FAM98B: variants seen among roughly 807,000 people sequenced by gnomAD.
FAM98B encodes the protein tRNA-splicing ligase complex subunit FAM98B.
In FAM98B, 32 loss-of-function variants were observed where a neutral mutation model predicts 43.9. The ratio of observed to expected loss-of-function variants is 0.73; its 90% CI spans 0.55 to 0.98. The LOEUF (loss-of-function observed/expected upper bound fraction) is 0.98. FAM98B is among the 50% of genes least tolerant of loss of function. The pLI is 0.00. For missense variants in FAM98B, 514 were observed against 522.9 expected, an observed-to-expected ratio of 0.98 and a Z score of 0.17; for synonymous variants, 190 against 174.0, an observed-to-expected ratio of 1.09 and a Z score of -0.72.
In FAM98B at chr15:38,484,599, T is replaced by TGGA. The variant is rs1162094713; in HGVS notation, c.1248_1250dup (p.Gly429dup). On this transcript the variant is annotated inframe_insertion, in exon 8 of 8. Coordinates refer to ENST00000397609, the MANE Select transcript of FAM98B (RefSeq NM_173611.4). ...GTGGAAGAGGCTATGGAGATCCATA[T>TGGA]GGAGGAGGTGGTGGTGGTGGTGGTG... 9.8e-6 allele frequency: 12 copies of TGGA among 1,227,924 alleles called. No individual in the cohort carries two copies. The highest frequency in any genetic ancestry group is 5.5e-5 in the East Asian group (1 of 18,212). The allele number at this position is 1,227,924 out of a possible 1,614,324, so 76.1% of individuals were successfully genotyped here. A position where few individuals can be genotyped will look rare whatever the true frequency, so the allele number is the denominator to read the frequency against.
rs1427909287 is a variant in FAM98B, at chr15:38,465,289, T to A, written c.238T>A (p.Phe80Ile). Residue 80 changes from phenylalanine (F) to isoleucine (I), a missense_variant, in exon 3 of 8, where the codon TTC becomes ATC. By Grantham distance (21) the Phe-to-Ile change is conservative. This residue lies in a region of FAM98B where 469 missense variants were observed against 451.8 expected (regional missense o/e 1.04). Transcript: ENST00000397609. ...TAAAGGAAGAGATGATCTAGAGAGC[T>A]TCCAGCTTGAGATAAGTGGCTTTTT... is the stretch of plus-strand genomic sequence containing the variant. ...TSAGRDDLES[F>I]QLEISGFLKE... 1.2e-6 allele frequency: 2 copies of A among 1,610,646 alleles called. No homozygotes were observed. Among genetic ancestry groups the A allele is most frequent in the South Asian group, 2.2e-5 (2 of 90,210 alleles).
intron 3 of FAM98B, among the ~76,000 whole-genome samples, chr15:38,468,167 T>G (rs1055846935): frequency 5.9e-5 from 9 of 152,216 alleles, no homozygotes; most frequent in African/African-American, 1.9e-4. Flanking sequence ...AGAGCAAAAG[T>G]AGACTTCAGC....
intron 1 of FAM98B, among the ~76,000 whole-genome samples, chr15:38,456,200 A>G (rs750454812): frequency 1.1e-4 from 16 of 152,232 alleles, no homozygotes; most frequent in Non-Finnish European, 1.9e-4. Context: ...CAGTTTTCTC[A>G]TCTGTGAAAA....
chr15:38,465,360 T>G lies in FAM98B; in HGVS notation c.309T>G (p.Ile103Met). Residue 103 changes from isoleucine (I) to methionine (M), a missense_variant, in exon 3 of 8, where the codon ATT becomes ATG. By Grantham distance (10) the Ile-to-Met change is conservative. Around this residue, in one of 2 missense-constraint regions of FAM98B, gnomAD observed 469 missense variants for 451.8 expected, o/e 1.04. Coordinates refer to ENST00000397609, the MANE Select transcript of FAM98B (RefSeq NM_173611.4). Reference sequence around the variant, plus strand: ...ATTCTGTACTCATATCAGGAGATATTAAAGATCGTTTAAAAAAGAAGGAGG... The same window carrying G: ...ATTCTGTACTCATATCAGGAGATATGAAAGATCGTTTAAAAAAGAAGGAGG... ...CPYSVLISGD[I>M]KDRLKKKEDC... 1 of 1,606,136 alleles carries G rather than the reference T, an allele frequency of 6.2e-7. No homozygotes were observed. The highest frequency in any genetic ancestry group is 8.5e-7 in the Non-Finnish European group (1 of 1,177,206).
intron 1 of FAM98B, among the ~76,000 whole-genome samples, chr15:38,455,851 A>T (rs1889840453): frequency 6.6e-6 from 1 of 152,240 alleles, no homozygotes; most frequent in African/African-American, 2.4e-5. Flanking sequence ...AAAATTAGTC[A>T]GATTATTCAA....
chr15:38,464,118 T>C lies in FAM98B; in HGVS notation c.158T>C (p.Ile53Thr). The change falls in exon 2 of 8, where the codon ATT becomes ACT. Residue 53 changes from isoleucine to threonine, a missense_variant. Ile to Thr is a moderately conservative substitution (Grantham distance 89, BLOSUM62 -1). Coordinates refer to ENST00000397609, the MANE Select transcript of FAM98B (RefSeq NM_173611.4). ...LSSPEFSELC[I>T]WLGSQIKSLC... Reference sequence around the variant, plus strand: ...TCACCTGAATTTTCAGAGCTCTGTATTTGGTTAGGCTCTCAAATAAAATCA... The same window carrying C: ...TCACCTGAATTTTCAGAGCTCTGTACTTGGTTAGGCTCTCAAATAAAATCA... 4 of 1,613,660 alleles carry C rather than the reference T, an allele frequency of 2.5e-6. No individual in the cohort carries two copies. Among genetic ancestry groups the C allele is most frequent in the Non-Finnish European group, 3.4e-6 (4 of 1,179,802 alleles).
chr15:38,481,003 G>A (rs997600403), intron 6 of FAM98B, among the ~76,000 whole-genome samples: 2 of 151,860 alleles, frequency 1.3e-5, no homozygotes, highest in Non-Finnish European at 2.9e-5. Flanking sequence ...CCTGTATGTG[G>A]TTTTGGTAAA....
At chr15:38,454,881 T>C (rs1276249787) in intron 1 of FAM98B, among the ~76,000 whole-genome samples, 8 of 152,218 alleles carry the variant, frequency 5.3e-5, no homozygotes, top group Non-Finnish European at 8.8e-5. Flanking sequence ...TGCTGCCGGC[T>C]GGTATTTACA....
chr15:38,466,561 A>G (rs1890035506), intron 3 of FAM98B, among the ~76,000 whole-genome samples: 1 of 152,186 alleles, frequency 6.6e-6, no homozygotes, highest in African/African-American at 2.4e-5. Flanking sequence ...GGAATAAAAA[A>G]GAAATTTAAC....
chr15:38,455,047 C>G (rs921460066), intron 1 of FAM98B, among the ~76,000 whole-genome samples: 2 of 152,184 alleles, frequency 1.3e-5, no homozygotes, highest in Non-Finnish European at 2.9e-5. Flanking sequence ...CCTGCCCATT[C>G]ATTTGTCTCT....
At chr15:38,461,724 T>C (rs1427112216) in intron 1 of FAM98B, among the ~76,000 whole-genome samples, 2 of 152,064 alleles carry the variant, frequency 1.3e-5, no homozygotes, top group Non-Finnish European at 2.9e-5. Flanking sequence ...TTTAAACATA[T>C]GCAAAGATAC....
intron 4 of FAM98B, among the ~76,000 whole-genome samples, chr15:38,472,935 G>A (rs1332135375): frequency 6.6e-6 from 1 of 152,116 alleles, no homozygotes; most frequent in African/African-American, 2.4e-5. Flanking sequence ...AAAAGTAAAT[G>A]CCTAATATCT....
chr15:38,461,067 A>AT (rs199887235), intron 1 of FAM98B, among the ~76,000 whole-genome samples: 1,776 of 151,120 alleles, frequency 0.012, 19 homozygotes, highest in Non-Finnish European at 0.019. Flanking sequence ...TAAAGATTGG[A>AT]TTTTTTTTTC....
intron 7 of FAM98B, chr15:38,483,007 A>T (rs1890305030): frequency 6.6e-6 from 1 of 152,216 alleles, no homozygotes; most frequent in South Asian, 2.1e-4. Context: ...TTCATTGAGA[A>T]TCCTTCTCTC....
intron 1 of FAM98B, chr15:38,459,037 C>G (rs989816922): frequency 3.8e-5 from 13 of 341,366 alleles, no homozygotes; most frequent in Non-Finnish European, 5.9e-5. Flanking sequence ...GCCAGCAGAT[C>G]CGTCACAGGG....
chr15:38,455,252 T>C (rs1308379479), intron 1 of FAM98B, among the ~76,000 whole-genome samples: 1 of 152,190 alleles, frequency 6.6e-6, no homozygotes, highest in African/African-American at 2.4e-5. Flanking sequence ...GCAGTAAGCA[T>C]AGGACCAGAT....
At chr15:38,477,674 T>C (rs906312672) in intron 6 of FAM98B, among the ~76,000 whole-genome samples, 2 of 152,232 alleles carry the variant, frequency 1.3e-5, no homozygotes, top group African/African-American at 4.8e-5. Flanking sequence ...TGGTTCAGGA[T>C]GAATATCTCA....
At chr15:38,479,366 A>G (rs1890252250) in intron 6 of FAM98B, among the ~76,000 whole-genome samples, 2 of 152,136 alleles carry the variant, frequency 1.3e-5, no homozygotes, top group South Asian at 4.1e-4. Flanking sequence ...CATCATCCCA[A>G]AATGACATAG....
intron 6 of FAM98B, among the ~76,000 whole-genome samples, chr15:38,476,089 T>C (rs1890195483): frequency 6.6e-6 from 1 of 152,202 alleles, no homozygotes; most frequent in Non-Finnish European, 1.5e-5. Context: ...AAGGAGTGCA[T>C]AGGAGGTGAT....
Sources: gnomAD v4.1 joint callset for allele counts (sites outside exome capture counted in the v4.1 genomes callset) on GRCh38, gnomAD v4.1.1 for gene constraint, gnomAD v4.1.1 regional missense constraint, MANE v1.5 for transcripts, NCBI Gene and HGNC (gene_info 2026-07-23, HGNC 2026-07-21) for gene names.